AKAP6: variants seen among roughly 807,000 people sequenced by gnomAD.
AKAP6 encodes the protein A-kinase anchoring protein 6, also known as A-kinase anchor protein 6.
AKAP6 carries 58 observed loss-of-function variants against 188.5 expected under a neutral mutation model. The ratio of observed to expected loss-of-function variants is 0.31; its 90% CI spans 0.25 to 0.38. The LOEUF (loss-of-function observed/expected upper bound fraction) is 0.38. AKAP6 is among the 10% of genes least tolerant of loss of function. The pLI, the probability that AKAP6 is intolerant of heterozygous loss-of-function variation, is 1.00. For missense variants in AKAP6, 2,710 were observed against 2,740.0 expected, an observed-to-expected ratio of 0.99 and a Z score of 0.24; for synonymous variants, 989 against 998.6, an observed-to-expected ratio of 0.99 and a Z score of 0.18.
At chr14:32,748,479 A>C (rs1337824778) in intron 11 of AKAP6, among the ~76,000 whole-genome samples, 1 of 152,234 alleles carries the variant, frequency 6.6e-6, no homozygotes, top group Non-Finnish European at 1.5e-5. Context: ...AGAATTCTAA[A>C]GCATGAAACT....
At position 32,822,126 on chromosome 14, in the gene AKAP6, G is replaced by A; in HGVS notation, c.4313G>A (p.Gly1438Glu). The part of the protein sequence containing the change: ...SSISPVGCVN[G>E]KVGDLNSITK... ...ATTTCACCAGTGGGTTGTGTAAATG[G>A]AAAAGTTGGAGATTTAAACAGTATT... Residue 1438 changes from glycine (G) to glutamate (E), a missense_variant, in exon 13 of 14, where the codon GGA (glycine) becomes GAA (glutamate). Gly to Glu is a moderately conservative substitution (Grantham distance 98). Around this residue, in one of 2 missense-constraint regions of AKAP6, gnomAD observed 2,473 missense variants for 2,426.1 expected, o/e 1.02. Transcript: ENST00000280979. The A allele has an allele frequency of 6.2e-7, 1 of 1,613,866 alleles. No individual in the cohort carries two copies. The highest frequency in any genetic ancestry group is 8.5e-7 in the Non-Finnish European group (1 of 1,179,922).
Position 32,526,245 on chromosome 14 carries a change from A to AT in AKAP6, c.325-9302dup, listed in dbSNP as rs375669719. ...AGGTCTGGATAATTTTTTTATTTTT[A>AT]TTTTTTTGAGACAGCCTTGCCCTGT... On this transcript the variant is annotated intron_variant, in intron 2 of 13. Coordinates refer to ENST00000280979, the MANE Select transcript of AKAP6 (RefSeq NM_004274.5). Among the ~76,000 whole-genome samples the AT allele has an allele frequency of 9.0e-4, 136 of 151,546 alleles. 1 individual carries two copies. Among genetic ancestry groups the AT allele is most frequent in the African/African-American group, 3.0e-3 (125 of 41,328 alleles).
intron 4 of AKAP6, among the ~76,000 whole-genome samples, chr14:32,576,214 A>T (rs1884707800): frequency 6.6e-6 from 1 of 152,186 alleles, no homozygotes; most frequent in South Asian, 2.1e-4. Context: ...TAAGTTTAAT[A>T]GGGAAACGGC....
At chr14:32,761,598 T>C (rs1192353227) in intron 11 of AKAP6, among the ~76,000 whole-genome samples, 1 of 152,158 alleles carries the variant, frequency 6.6e-6, no homozygotes, top group Non-Finnish European at 1.5e-5. Context: ...TCCTCTCCCA[T>C]GAGTCAGGTC....
At chr14:32,696,195 T>C in intron 9 of AKAP6, 85 bp downstream of exon 9, 1 of 1,496,088 alleles carries the variant, frequency 6.7e-7, no homozygotes, top group Non-Finnish European at 8.9e-7. Context: ...AGGATATCTT[T>C]TCGTTCATTG....
At chr14:32,700,069 G>A (rs1355414161) in intron 9 of AKAP6, among the ~76,000 whole-genome samples, 1 of 152,168 alleles carries the variant, frequency 6.6e-6, no homozygotes, top group Non-Finnish European at 1.5e-5. Flanking sequence ...GGAAGCTCAT[G>A]ACACCTCCTC....
intron 1 of AKAP6, among the ~76,000 whole-genome samples, chr14:32,335,840 TCC>T (rs1886674508): frequency 2.1e-5 from 3 of 142,480 alleles, no homozygotes; most frequent in Non-Finnish European, 3.0e-5. Context: ...TATCCTTTTC[TCC>T]TTTTTTTTTT....
intron 9 of AKAP6, among the ~76,000 whole-genome samples, chr14:32,729,184 T>C (rs909397742): frequency 2.6e-5 from 4 of 152,140 alleles, no homozygotes; most frequent in African/African-American, 9.7e-5. Flanking sequence ...CAAAATGGCT[T>C]ATTCTTCTGG....
At position 32,821,934 on chromosome 14, in the gene AKAP6, C is replaced by A; in HGVS notation, c.4121C>A (p.Thr1374Asn). 1 of 1,613,928 alleles carries A rather than the reference C, an allele frequency of 6.2e-7. No homozygotes were observed. Among genetic ancestry groups the A allele is most frequent in the East Asian group, 2.2e-5 (1 of 44,876 alleles). Residue 1374 changes from threonine to asparagine, a missense_variant, in exon 13 of 14, where the codon ACC becomes AAC. Physicochemically the swap from Thr to Asn is moderately conservative, Grantham distance 65. Transcript: ENST00000280979. ...SGIVSEGDTE[T>N]TTNSEMCLLN... ...ATTGTCAGTGAAGGAGACACAGAAA[C>A]CACTACCAACTCTGAAATGTGCTTG...
At chr14:32,629,509 C>T (rs1594795622) in intron 7 of AKAP6, among the ~76,000 whole-genome samples, 1 of 150,070 alleles carries the variant, frequency 6.7e-6, no homozygotes, top group African/African-American at 2.5e-5. Flanking sequence ...TATTTTCCCC[C>T]AAGAGCCTGT....
chr14:32,359,071 G>C (rs542357109), intron 1 of AKAP6, among the ~76,000 whole-genome samples: 1 of 152,170 alleles, frequency 6.6e-6, no homozygotes, highest in East Asian at 1.9e-4. Context: ...TGGATTCTAA[G>C]TGCTGCGTGG....
intron 9 of AKAP6, among the ~76,000 whole-genome samples, chr14:32,707,738 T>C (rs1447664086): frequency 6.6e-6 from 1 of 152,126 alleles, no homozygotes; most frequent in East Asian, 1.9e-4. Flanking sequence ...TATCAATTCA[T>C]TACTTTTTCA....
chr14:32,725,009 A>AAAAAAAAAAC (rs1401887789), intron 9 of AKAP6, among the ~76,000 whole-genome samples: 2 of 149,882 alleles, frequency 1.3e-5, no homozygotes, highest in Non-Finnish European at 3.0e-5. Context: ...AAAAAAAAAA[A>AAAAAAAAAAC]AAAAAAAACA....
intron 5 of AKAP6, among the ~76,000 whole-genome samples, chr14:32,589,488 G>A (rs1451760448): frequency 6.6e-6 from 1 of 152,128 alleles, no homozygotes; most frequent in Admixed American, 6.5e-5. Flanking sequence ...GCTCAGTTTG[G>A]ACATATGAAA....
At chr14:32,642,848 C>G (rs967094646) in intron 7 of AKAP6, among the ~76,000 whole-genome samples, 2 of 152,160 alleles carry the variant, frequency 1.3e-5, no homozygotes, top group Non-Finnish European at 2.9e-5. Flanking sequence ...AATGGATATG[C>G]CTTTGTGTGT....
chr14:32,676,455 C>T (rs1267691828), intron 7 of AKAP6, among the ~76,000 whole-genome samples: 1 of 152,142 alleles, frequency 6.6e-6, no homozygotes, highest in Non-Finnish European at 1.5e-5. Context: ...ACCTCCTCTT[C>T]CACATCATCA....
At chr14:32,595,583 A>G (rs548498910) in intron 5 of AKAP6, among the ~76,000 whole-genome samples, 1 of 152,110 alleles carries the variant, frequency 6.6e-6, no homozygotes, top group Non-Finnish European at 1.5e-5. Flanking sequence ...ATCATAGCTC[A>G]CTGTAACCTT....
intron 9 of AKAP6, among the ~76,000 whole-genome samples, chr14:32,722,840 A>T (rs1034121470): frequency 6.6e-6 from 1 of 152,168 alleles, no homozygotes; most frequent in African/African-American, 2.4e-5. Context: ...CTGGACAAGA[A>T]TTCAGGATGC....
In AKAP6 at chr14:32,525,537, A is replaced by G. The variant is rs888014999; in HGVS notation, c.325-10017A>G. Among the ~76,000 whole-genome samples the G allele has an allele frequency of 7.2e-5, 11 of 152,220 alleles. No homozygotes were observed. In the East Asian group the frequency reaches 1.4e-3, roughly 19 times the overall value. ...TCTGCATCTTCATCATTCTCTTTCT[A>G]TCATCTCTTCCACGCTTCCAAATCT... On this transcript the variant is annotated intron_variant, in intron 2 of 13. Transcript: ENST00000280979.
Sources: allele counts gnomAD v4.1 joint callset (sites outside exome capture counted in the v4.1 genomes callset), GRCh38; gene constraint gnomAD v4.1.1; regional missense constraint gnomAD v4.1.1; transcripts MANE v1.5; gene names NCBI Gene and HGNC (gene_info 2026-07-23, HGNC 2026-07-21).